NR1H4: variants seen among roughly 807,000 people sequenced by gnomAD.
NR1H4 encodes nuclear receptor subfamily 1 group H member 4.
In NR1H4, 23 loss-of-function variants were observed where a neutral mutation model predicts 58.5. That is an observed-to-expected ratio of 0.39 (90% CI 0.28 to 0.56). The LOEUF is 0.56. NR1H4 is among the 20% of genes least tolerant of loss of function. The pLI is 0.58. For synonymous variants in NR1H4, 214 were observed against 198.0 expected (o/e 1.08, Z -0.68); for missense variants, 487 against 576.9 (o/e 0.84, Z 1.60).
Position 100,511,142 on chromosome 12 carries a change from A to G in NR1H4, c.444A>G (p.Lys148=). Residue 148 remains lysine, a splice_region_variant and synonymous_variant, in exon 4 of 11, where the codon AAA becomes AAG. Coordinates refer to ENST00000392986, the MANE Select transcript of NR1H4 (RefSeq NM_001206979.2). ...HYNALTCEGC[K]GFFRRSITKN... is the part of the protein sequence containing the mutation. Reference sequence around the variant, plus strand: ...ATGCACTGACCTGTGAGGGGTGTAAAGGTAAGCATCTTTGATTGGCAGTTT... The same window carrying G: ...ATGCACTGACCTGTGAGGGGTGTAAGGGTAAGCATCTTTGATTGGCAGTTT... 2 of 1,614,226 alleles carry G rather than the reference A, an allele frequency of 1.2e-6. No homozygotes were observed. The highest frequency in any genetic ancestry group is 1.7e-6 in the Non-Finnish European group (2 of 1,180,042).
intron 3 of NR1H4, among the ~76,000 whole-genome samples, chr12:100,494,101 GC>G (rs1274465243): frequency 1.3e-5 from 2 of 152,170 alleles, no homozygotes; most frequent in Admixed American, 1.3e-4. Flanking sequence ...CCTGCTGGCA[GC>G]CTGGGATGCT....
chr12:100,498,519 T>C (rs1013749830), intron 3 of NR1H4, among the ~76,000 whole-genome samples: 4 of 151,708 alleles, frequency 2.6e-5, no homozygotes, highest in Admixed American at 2.6e-4. Flanking sequence ...GTGCCTGTAA[T>C]CCCAGCTACT....
chr12:100,493,449 T>C, intron 3 of NR1H4, 47 bp downstream of exon 3: 1 of 947,702 alleles, frequency 1.1e-6, no homozygotes, highest in Non-Finnish European at 1.7e-6. Flanking sequence ...AAACTACGAT[T>C]TGGAAATACA....
chr12:100,536,934 T>C lies in NR1H4; in HGVS notation c.832-14T>C. 1 of 1,426,090 alleles carries C rather than the reference T, an allele frequency of 7.0e-7. No homozygotes were observed. 88.3% of individuals were successfully genotyped at this position (1,426,090 alleles called of 1,614,324 possible). On this transcript the variant is annotated splice_polypyrimidine_tract_variant and intron_variant, in intron 7 of 10. Coordinates refer to ENST00000392986, the MANE Select transcript of NR1H4 (RefSeq NM_001206979.2). ...ATCTACTTTTTAATCATTGGTTTTT[T>C]TCTTAAAATTTAGTTAAAAGAAGAA...
chr12:100,496,678 G>A (rs1253278964), intron 3 of NR1H4, among the ~76,000 whole-genome samples: 1 of 152,120 alleles, frequency 6.6e-6, no homozygotes, highest in East Asian at 1.9e-4. Flanking sequence ...GTGACTTAAT[G>A]GTACTCACTT....
chr12:100,520,660 G>A (rs1205888448), intron 4 of NR1H4, among the ~76,000 whole-genome samples: 1 of 152,144 alleles, frequency 6.6e-6, no homozygotes, highest in Non-Finnish European at 1.5e-5. Context: ...TACCCTCAAA[G>A]CTAGTGACTG....
At chr12:100,542,584 G>A (rs952179940) in intron 9 of NR1H4, among the ~76,000 whole-genome samples, 1 of 152,146 alleles carries the variant, frequency 6.6e-6, no homozygotes, top group African/African-American at 2.4e-5. Flanking sequence ...AGTGGGGAAT[G>A]AATGAGATGA....
Position 100,473,887 on chromosome 12 carries a change from C to T in NR1H4, c.-362C>T, listed in dbSNP as rs1444961490. ...GCCCAGAAGGCCGCCTGTGATCATG[C>T]ACAGTACACTGGAACTCTCTCCTCC... On this transcript the variant is annotated 5_prime_UTR_variant, in exon 1 of 11. Coordinates refer to ENST00000392986, the MANE Select transcript of NR1H4 (RefSeq NM_001206979.2). 6.6e-6 allele frequency: 1 copy of T among 152,286 alleles called. No homozygotes were observed. The highest frequency in any genetic ancestry group is 2.4e-5 in the African/African-American group (1 of 41,436). The allele number at this position is 152,286 out of a possible 1,614,324, so 9.4% of individuals were successfully genotyped here.
At chr12:100,558,313 C>T (rs1955380396) in intron 9 of NR1H4, among the ~76,000 whole-genome samples, 1 of 143,762 alleles carries the variant, frequency 7.0e-6, no homozygotes, top group Non-Finnish European at 1.5e-5. Context: ...CACGCCACTG[C>T]ACTCCAGCCT....
At chr12:100,521,126 TAA>T (rs537500291) in intron 4 of NR1H4, among the ~76,000 whole-genome samples, 1 of 145,732 alleles carries the variant, frequency 6.9e-6, no homozygotes. Flanking sequence ...CAAGAGAATT[TAA>T]AAAAAAAAAG....
chr12:100,552,088 C>T (rs1421529019), intron 9 of NR1H4, among the ~76,000 whole-genome samples: 1 of 152,118 alleles, frequency 6.6e-6, no homozygotes, highest in Non-Finnish European at 1.5e-5. Context: ...TTCCATTAAC[C>T]TGTTAATTGC....
At chr12:100,475,850 C>T (rs1953257782) in intron 1 of NR1H4, among the ~76,000 whole-genome samples, 1 of 152,278 alleles carries the variant, frequency 6.6e-6, no homozygotes, top group Admixed American at 6.5e-5. Flanking sequence ...ATTCTCCTGC[C>T]TCAGCCTCCT....
intron 3 of NR1H4, among the ~76,000 whole-genome samples, chr12:100,497,419 G>T (rs753350795): frequency 3.9e-5 from 6 of 152,128 alleles, no homozygotes; most frequent in African/African-American, 9.7e-5. Context: ...ATCAGAGACG[G>T]GCTGAAGGGA....
intron 1 of NR1H4, among the ~76,000 whole-genome samples, chr12:100,485,852 C>A (rs1461820843): frequency 6.7e-6 from 1 of 150,010 alleles, no homozygotes; most frequent in East Asian, 1.9e-4. Context: ...ATTTTATAGT[C>A]ATTTATTTTA....
chr12:100,491,725 A>G (rs1167841486), intron 1 of NR1H4, among the ~76,000 whole-genome samples: 2 of 151,940 alleles, frequency 1.3e-5, no homozygotes, highest in Non-Finnish European at 2.9e-5. Flanking sequence ...AGATGGACCC[A>G]GATATGCCTG....
intron 3 of NR1H4, among the ~76,000 whole-genome samples, chr12:100,502,899 T>C (rs536633154): frequency 1.3e-5 from 2 of 152,158 alleles, no homozygotes; most frequent in South Asian, 2.1e-4. Context: ...ACGAGAACAG[T>C]GTGGGGGAAA....
At chr12:100,501,272 A>G (rs1220098241) in intron 3 of NR1H4, among the ~76,000 whole-genome samples, 1 of 152,050 alleles carries the variant, frequency 6.6e-6, no homozygotes, top group Admixed American at 6.6e-5. Flanking sequence ...TTTTTCACCT[A>G]TGACCCTCTC....
rs757983348 is a variant in NR1H4, at chr12:100,535,037, A to G, written c.732+14A>G. 1.2e-6 allele frequency: 2 copies of G among 1,614,124 alleles called. No individual in the cohort carries two copies. The highest frequency in any genetic ancestry group is 1.1e-5 in the South Asian group (1 of 91,082). On this transcript the variant is annotated intron_variant, in intron 6 of 10. Coordinates refer to ENST00000392986, the MANE Select transcript of NR1H4 (RefSeq NM_001206979.2). ...AAGTCATGCAGGGTAATAATATGCA[A>G]TGGTGTCTGCCAAGACTGGCAGGAA...
At chr12:100,503,781 A>C (rs759448304) in intron 3 of NR1H4, among the ~76,000 whole-genome samples, 5 of 152,220 alleles carry the variant, frequency 3.3e-5, no homozygotes, top group Non-Finnish European at 7.3e-5. Context: ...AGACAATTCT[A>C]ATATTAATAT....
Sources: gnomAD v4.1 joint callset for allele counts (sites outside exome capture counted in the v4.1 genomes callset) on GRCh38, gnomAD v4.1.1 for gene constraint, MANE v1.5 for transcripts, NCBI Gene and HGNC (gene_info 2026-07-23, HGNC 2026-07-21) for gene names.